The following MARCHF1 variants were observed in gnomAD, a reference collection of about 807,000 sequenced individuals.
MARCHF1 encodes E3 ubiquitin-protein ligase MARCHF1.
A neutral mutation model predicts 54.2 loss-of-function variants in MARCHF1; 40 were observed. That is an observed-to-expected ratio of 0.74 (90% CI 0.57 to 0.96). The LOEUF (loss-of-function observed/expected upper bound fraction) is 0.96. MARCHF1 is among the 40% of genes least tolerant of loss of function. MARCHF1 has a pLI of 0.00. For synonymous variants in MARCHF1, 236 were observed against 236.3 expected (o/e 1.00, Z 0.01); for missense variants, 586 against 656.5 (o/e 0.89, Z 1.17).
intron 2 of MARCHF1, among the ~76,000 whole-genome samples, chr4:164,044,655 C>T (rs1754202711): frequency 6.6e-6 from 1 of 152,058 alleles, no homozygotes; most frequent in African/African-American, 2.4e-5. Flanking sequence ...TCCTAAGAAC[C>T]TCAGTACTTG....
intron 1 of MARCHF1, among the ~76,000 whole-genome samples, chr4:164,338,759 G>A (rs1729830622): frequency 6.6e-6 from 1 of 152,136 alleles, no homozygotes; most frequent in Admixed American, 6.5e-5. Flanking sequence ...GATCACCTGA[G>A]GTTGGGAGTT....
intron 2 of MARCHF1, among the ~76,000 whole-genome samples, chr4:164,101,259 C>A (rs1056791352): frequency 1.3e-5 from 2 of 152,116 alleles, no homozygotes; most frequent in Non-Finnish European, 2.9e-5. Context: ...GTGGATCCCA[C>A]CACAGCTCAA....
In MARCHF1 at chr4:164,215,251, C is replaced by T. The variant is rs144630812; in HGVS notation, c.-322-103589G>A. ...GAAGAGAGATGGTTTTCCCCTGGAGCATTCGCCAAACCCCGCCTCCTTCCT... is the reference window on the plus strand; with the variant it reads ...GAAGAGAGATGGTTTTCCCCTGGAGTATTCGCCAAACCCCGCCTCCTTCCT... On this transcript the variant is annotated intron_variant, in intron 1 of 9. Transcript: ENST00000514618. 5.3e-3 allele frequency among the ~76,000 whole-genome samples: 814 copies of T among 152,248 alleles called. 11 individuals are homozygous for T. Among genetic ancestry groups the T allele is most frequent in the African/African-American group, 0.018 (763 of 41,562 alleles).
At chr4:163,895,058 T>C (rs62350571) in intron 3 of MARCHF1, among the ~76,000 whole-genome samples, 107,671 of 122,350 alleles carry the variant, frequency 0.88, 49,764 homozygotes, top group Non-Finnish European at 0.99. Context: ...ATGCATGTGA[T>C]GCATAAATAT....
At chr4:163,711,711 C>T (rs977232679) in intron 4 of MARCHF1, among the ~76,000 whole-genome samples, 1 of 152,162 alleles carries the variant, frequency 6.6e-6, no homozygotes, top group Non-Finnish European at 1.5e-5. Context: ...TGCTACTTCT[C>T]CCTGCTTTTT....
chr4:164,145,218 T>G (rs1435652407), intron 1 of MARCHF1, among the ~76,000 whole-genome samples: 2 of 152,092 alleles, frequency 1.3e-5, no homozygotes, highest in Non-Finnish European at 2.9e-5. Flanking sequence ...ACCAGATGGA[T>G]TCACAGCCGA....
intron 1 of MARCHF1, among the ~76,000 whole-genome samples, chr4:164,118,478 A>G (rs946685799): frequency 1.3e-5 from 2 of 151,054 alleles, no homozygotes; most frequent in Non-Finnish European, 3.0e-5. Flanking sequence ...ATAAATATCA[A>G]AAGAAATACA....
chr4:163,585,984 G>T, intron 7 of MARCHF1, 55 bp from the exon 8 acceptor site: 2 of 1,486,284 alleles, frequency 1.3e-6, no homozygotes, highest in Non-Finnish European at 1.8e-6. Context: ...TTTCTCGCCT[G>T]TGTTATTTCT....
At chr4:163,596,487 C>T (rs1392726039) in intron 7 of MARCHF1, among the ~76,000 whole-genome samples, 1 of 143,232 alleles carries the variant, frequency 7.0e-6, no homozygotes, top group African/African-American at 2.6e-5. Flanking sequence ...TTACAGTGAG[C>T]CGAGATTGTA....
At chr4:164,082,809 T>G (rs1046308000) in intron 2 of MARCHF1, among the ~76,000 whole-genome samples, 1 of 152,232 alleles carries the variant, frequency 6.6e-6, no homozygotes, top group African/African-American at 2.4e-5. Flanking sequence ...CAATCCATTT[T>G]AAGCAGAGGA....
chr4:164,123,377 A>ACATTTT (rs1756111998), intron 1 of MARCHF1, among the ~76,000 whole-genome samples: 1 of 152,154 alleles, frequency 6.6e-6, no homozygotes, highest in Non-Finnish European at 1.5e-5. Flanking sequence ...AAATACCCAT[A>ACATTTT]CTACCGAAAG....
intron 1 of MARCHF1, among the ~76,000 whole-genome samples, chr4:164,190,518 G>C (rs1415243869): frequency 6.6e-6 from 1 of 152,186 alleles, no homozygotes; most frequent in Non-Finnish European, 1.5e-5. Context: ...CATGTCTTCA[G>C]GTAGGGGGCA....
chr4:164,197,986 C>T (rs559243466), intron 1 of MARCHF1, among the ~76,000 whole-genome samples: 1 of 152,238 alleles, frequency 6.6e-6, no homozygotes, highest in South Asian at 2.1e-4. Flanking sequence ...TTTGTGAATA[C>T]ACAAGGCACT....
At chr4:164,189,963 A>T in intron 1 of MARCHF1, 1 of 1,530,162 alleles carries the variant, frequency 6.5e-7, no homozygotes, top group Non-Finnish European at 9.1e-7. Flanking sequence ...CAATGACCAG[A>T]ATCACCTGAC....
intron 5 of MARCHF1, among the ~76,000 whole-genome samples, chr4:163,634,605 G>C (rs999068492): frequency 1.3e-5 from 2 of 152,136 alleles, no homozygotes; most frequent in Admixed American, 1.3e-4. Context: ...AGCAAGTCCT[G>C]AGTGACCTAC....
At chr4:163,607,069 T>C (rs1212663092) in intron 7 of MARCHF1, among the ~76,000 whole-genome samples, 1 of 152,084 alleles carries the variant, frequency 6.6e-6, no homozygotes, top group Non-Finnish European at 1.5e-5. Flanking sequence ...TTGGAGGAAA[T>C]GACTCCTCAC....
At chr4:164,214,092 G>T (rs551540346) in intron 1 of MARCHF1, among the ~76,000 whole-genome samples, 1 of 151,370 alleles carries the variant, frequency 6.6e-6, no homozygotes, top group African/African-American at 2.4e-5. Context: ...ATTTTAAAAC[G>T]TCCATGTAAA....
At chr4:163,816,334 A>G in intron 4 of MARCHF1, among the ~76,000 whole-genome samples, 1 of 152,060 alleles carries the variant, frequency 6.6e-6, no homozygotes, top group East Asian at 1.9e-4. Flanking sequence ...TTGATCTTCA[A>G]AAAAGCATTT....
At chr4:164,052,999 T>C (rs1394015928) in intron 2 of MARCHF1, among the ~76,000 whole-genome samples, 1 of 152,206 alleles carries the variant, frequency 6.6e-6, no homozygotes, top group Non-Finnish European at 1.5e-5. Flanking sequence ...TCATCTTTTC[T>C]ACTTTTAGAG....
Sources: gnomAD v4.1 joint callset for allele counts (sites outside exome capture counted in the v4.1 genomes callset) on GRCh38, gnomAD v4.1.1 for gene constraint, MANE v1.5 for transcripts, NCBI Gene and HGNC (gene_info 2026-07-23, HGNC 2026-07-21) for gene names.